The following ITGA9 variants were observed in gnomAD, a reference collection of about 807,000 sequenced individuals.
ITGA9 encodes the protein integrin subunit alpha 9.
Under a neutral mutation model 127.8 loss-of-function variants are expected in ITGA9, and 56 were observed. The observed-to-expected ratio is 0.44, with a 90% CI of 0.35 to 0.55. The LOEUF is 0.55. Among genes scored for constraint, ITGA9 ranks in the 20% least tolerant of loss-of-function variants. ITGA9 has a pLI of 0.00. For synonymous variants in ITGA9, 508 were observed against 514.5 expected, an observed-to-expected ratio of 0.99 and a Z score of 0.17; for missense variants, 1,196 against 1,347.1, an observed-to-expected ratio of 0.89 and a Z score of 1.76.
chr3:37,784,959 G>C lies in ITGA9; in HGVS notation c.2788-18G>C, dbSNP rs371158349. On this transcript the variant is annotated intron_variant, in intron 25 of 27. Coordinates refer to ENST00000264741, the MANE Select transcript of ITGA9 (RefSeq NM_002207.3). ...TCATAGAAAAATCTTCAAGTAAGTTGTGTTGTTTCTTCCACAGGACAGTTC... is the reference window on the plus strand; with the variant it reads ...TCATAGAAAAATCTTCAAGTAAGTTCTGTTGTTTCTTCCACAGGACAGTTC... 6.3e-7 allele frequency: 1 copy of C among 1,596,190 alleles called. No homozygotes were observed. The highest frequency in any genetic ancestry group is 8.6e-7 in the Non-Finnish European group (1 of 1,163,680).
Position 37,523,758 on chromosome 3 carries a change from A to G in ITGA9, c.1327+147A>G, listed in dbSNP as rs115796749. 717 of 714,578 alleles carry G rather than the reference A, an allele frequency of 1.0e-3. 3 individuals carry two copies. The highest frequency in any genetic ancestry group is 7.8e-3 in the African/African-American group (442 of 56,916). The allele number at this position is 714,578 out of a possible 1,614,324, so 44.3% of individuals were successfully genotyped here. On this transcript the variant is annotated intron_variant, in intron 12 of 27. Transcript: ENST00000264741. ...AATAGGGTGTTTTGCCTGGTGTTCA[A>G]TTTTAAGGTGAAAATAATGTTGATA...
At chr3:37,682,423 A>G (rs186024594) in intron 17 of ITGA9, among the ~76,000 whole-genome samples, 21 of 152,344 alleles carry the variant, frequency 1.4e-4, no homozygotes, top group Non-Finnish European at 2.2e-4. Context: ...CTCTGTGACC[A>G]TGTGGATGAC....
chr3:37,627,505 C>T (rs1442086572), intron 15 of ITGA9, among the ~76,000 whole-genome samples: 6 of 152,212 alleles, frequency 3.9e-5, no homozygotes, highest in South Asian at 2.1e-4. Context: ...GCCCCGTACA[C>T]GTAGGACTAC....
intron 27 of ITGA9, among the ~76,000 whole-genome samples, chr3:37,811,416 T>G (rs1170279232): frequency 6.6e-6 from 1 of 152,192 alleles, no homozygotes; most frequent in Non-Finnish European, 1.5e-5. Context: ...GACTGGCACC[T>G]TTAAGAAATA....
intron 17 of ITGA9, among the ~76,000 whole-genome samples, chr3:37,676,482 T>C (rs1454660528): frequency 6.6e-6 from 1 of 152,200 alleles, no homozygotes; most frequent in Non-Finnish European, 1.5e-5. Context: ...CTGCAGAGCA[T>C]GTCAGAGGCT....
At chr3:37,518,756 A>C (rs959678858) in intron 10 of ITGA9, among the ~76,000 whole-genome samples, 28 of 121,980 alleles carry the variant, frequency 2.3e-4, no homozygotes, top group African/African-American at 8.7e-4. Flanking sequence ...GTCAGCTTCT[A>C]TAGTTTTCAC....
chr3:37,736,673 A>C (rs1696366439), intron 19 of ITGA9, among the ~76,000 whole-genome samples: 1 of 152,228 alleles, frequency 6.6e-6, no homozygotes, highest in South Asian at 2.1e-4. Context: ...TCACTTCCTA[A>C]GGAGAGCCTC....
At chr3:37,628,918 C>T (rs1700202376) in intron 15 of ITGA9, among the ~76,000 whole-genome samples, 1 of 152,144 alleles carries the variant, frequency 6.6e-6, no homozygotes, top group South Asian at 2.1e-4. Flanking sequence ...TAATGTCTTC[C>T]ATATGCTCAA....
chr3:37,581,260 C>G (rs1006839860), intron 15 of ITGA9, among the ~76,000 whole-genome samples: 2 of 152,164 alleles, frequency 1.3e-5, no homozygotes, highest in Middle Eastern at 3.2e-3. Context: ...ACAGAGGGAA[C>G]AGACGGAAGC....
At chr3:37,717,800 T>C (rs1701150381) in intron 18 of ITGA9, among the ~76,000 whole-genome samples, 1 of 152,226 alleles carries the variant, frequency 6.6e-6, no homozygotes, top group Non-Finnish European at 1.5e-5. Flanking sequence ...AAGTAAGCAC[T>C]GGTATGGTAC....
intron 17 of ITGA9, among the ~76,000 whole-genome samples, chr3:37,676,568 T>G (rs972211834): frequency 1.2e-4 from 18 of 152,364 alleles, no homozygotes; most frequent in African/African-American, 4.1e-4. Flanking sequence ...TAGATAGAAC[T>G]GCAGTCTGTG....
At chr3:37,555,686 G>T (rs115164772) in intron 15 of ITGA9, among the ~76,000 whole-genome samples, 1 of 152,226 alleles carries the variant, frequency 6.6e-6, no homozygotes, top group Non-Finnish European at 1.5e-5. Context: ...ACTGTTTCAC[G>T]TTGTACTTAG....
At chr3:37,798,850 A>T (rs1291828759) in intron 26 of ITGA9, among the ~76,000 whole-genome samples, 1 of 152,196 alleles carries the variant, frequency 6.6e-6, no homozygotes, top group Non-Finnish European at 1.5e-5. Context: ...TCAATAATAA[A>T]TTAAATAAAT....
intron 16 of ITGA9, among the ~76,000 whole-genome samples, chr3:37,649,861 G>A (rs184974616): frequency 6.6e-6 from 1 of 152,306 alleles, no homozygotes; most frequent in East Asian, 1.9e-4. Flanking sequence ...ATCATACCAA[G>A]TATCTTTTCC....
intron 1 of ITGA9, among the ~76,000 whole-genome samples, chr3:37,457,733 C>T (rs1033337927): frequency 4.6e-5 from 7 of 152,332 alleles, no homozygotes; most frequent in Non-Finnish European, 8.8e-5. Context: ...AGCATCTTCT[C>T]GGGGTTTCTG....
chr3:37,733,101 T>A (rs1361910785), intron 19 of ITGA9: 1 of 394,778 alleles, frequency 2.5e-6, no homozygotes, highest in East Asian at 5.8e-5. Context: ...CTTCCTAAAA[T>A]AATTTTTTTT....
chr3:37,775,577 C>T (rs1173671677), intron 23 of ITGA9, among the ~76,000 whole-genome samples: 2 of 148,002 alleles, frequency 1.4e-5, no homozygotes, highest in African/African-American at 5.0e-5. Context: ...ACCCAGGAGG[C>T]GGAGCTTGCA....
intron 17 of ITGA9, among the ~76,000 whole-genome samples, chr3:37,674,436 T>C (rs1167269004): frequency 6.6e-6 from 1 of 152,212 alleles, no homozygotes; most frequent in Non-Finnish European, 1.5e-5. Context: ...CAGGAGTGCA[T>C]GCCCTATAGA....
chr3:37,635,203 A>G (rs1411778055), intron 16 of ITGA9, among the ~76,000 whole-genome samples: 2 of 152,236 alleles, frequency 1.3e-5, no homozygotes, highest in Admixed American at 6.5e-5. Context: ...AGGAGGATGT[A>G]TAATCATGAC....
Sources: allele counts gnomAD v4.1 joint callset (sites outside exome capture counted in the v4.1 genomes callset), GRCh38; gene constraint gnomAD v4.1.1; transcripts MANE v1.5; gene names NCBI Gene and HGNC (gene_info 2026-07-23, HGNC 2026-07-21).